TBL1XR1: variants seen among roughly 807,000 people sequenced by gnomAD.
TBL1XR1 encodes the protein TBL1X/Y related 1.
In TBL1XR1, 5 loss-of-function variants were observed where a neutral mutation model predicts 66.9. That is an observed-to-expected ratio of 0.07 (90% CI 0.04 to 0.16). The LOEUF (loss-of-function observed/expected upper bound fraction) is 0.16, where lower values mean the gene tolerates loss of function less well. Ranked by LOEUF, TBL1XR1 falls within the 10% of genes least tolerant of loss-of-function variation. The pLI is 1.00. For missense variants in TBL1XR1, 238 were observed against 623.2 expected, an observed-to-expected ratio of 0.38 and a Z score of 6.58; for synonymous variants, 210 against 206.0, an observed-to-expected ratio of 1.02 and a Z score of -0.17.
At chr3:177,061,160 T>A (rs1255403679) in intron 3 of TBL1XR1, among the ~76,000 whole-genome samples, 1 of 152,202 alleles carries the variant, frequency 6.6e-6, no homozygotes, top group Non-Finnish European at 1.5e-5. Context: ...AGGGATGGCT[T>A]ATTTAAAACA....
intron 1 of TBL1XR1, chr3:177,126,079 G>A (rs368162253): frequency 6.6e-6 from 1 of 152,136 alleles, no homozygotes; most frequent in Admixed American, 6.5e-5. Context: ...GCTAATCTTT[G>A]TATCATTCCA....
intron 2 of TBL1XR1, chr3:177,079,452 G>A (rs1250986949): frequency 6.7e-6 from 1 of 149,000 alleles, no homozygotes; most frequent in Non-Finnish European, 1.5e-5. Context: ...AAAAAAATTT[G>A]TATCTAGTAT....
At chr3:177,126,908 AT>A (rs1412411064) in intron 1 of TBL1XR1, among the ~76,000 whole-genome samples, 13 of 152,068 alleles carry the variant, frequency 8.5e-5, no homozygotes, top group African/African-American at 3.1e-4. Flanking sequence ...CGGTTGTAAT[AT>A]TTAACCATCT....
chr3:177,023,572 C>T lies in TBL1XR1; in HGVS notation c.*1926G>A, dbSNP rs978905978. 4 of 152,376 alleles carry T rather than the reference C, an allele frequency of 2.6e-5. No individual in the cohort carries two copies. Among genetic ancestry groups the T allele is most frequent in the African/African-American group, 9.7e-5 (4 of 41,400 alleles). 9.4% of individuals were successfully genotyped at this position (152,376 alleles called of 1,614,324 possible). ...AAAATATTATTACAGTATCATAGTC[C>T]CCACTAACAACAACTGGGGTACATA... On this transcript the variant is annotated 3_prime_UTR_variant, in exon 16 of 16. Coordinates refer to ENST00000457928, the MANE Select transcript of TBL1XR1 (RefSeq NM_024665.7).
intron 1 of TBL1XR1, among the ~76,000 whole-genome samples, chr3:177,159,850 A>G (rs1044596392): frequency 1.3e-5 from 2 of 152,196 alleles, no homozygotes; most frequent in African/African-American, 4.8e-5. Flanking sequence ...TTGCATCTTC[A>G]TAAGGATGCT....
At chr3:177,172,633 A>AGGAGAGAGAG (rs150226417) in intron 1 of TBL1XR1, among the ~76,000 whole-genome samples, 1 of 117,550 alleles carries the variant, frequency 8.5e-6, no homozygotes, top group South Asian at 3.1e-4. Context: ...AGAAAGAGAG[A>AGGAGAGAGAG]AGAGAGAGAG....
chr3:177,119,239 C>T (rs550356321), intron 1 of TBL1XR1, among the ~76,000 whole-genome samples: 5 of 152,260 alleles, frequency 3.3e-5, no homozygotes, highest in South Asian at 2.1e-4. Context: ...TCCCAAAGTG[C>T]TGGGATTACA....
intron 2 of TBL1XR1, among the ~76,000 whole-genome samples, chr3:177,084,921 T>C (rs942918654): frequency 2.0e-5 from 3 of 152,216 alleles, no homozygotes; most frequent in African/African-American, 7.2e-5. Context: ...ATTTGTTCCA[T>C]AGCAGCCACT....
chr3:177,100,299 TATA>T (rs1195804356), intron 1 of TBL1XR1, among the ~76,000 whole-genome samples: 10 of 152,250 alleles, frequency 6.6e-5, no homozygotes, highest in Admixed American at 2.0e-4. Context: ...TTTACAGTGC[TATA>T]ATATTTTTGT....
intron 2 of TBL1XR1, among the ~76,000 whole-genome samples, chr3:177,071,389 C>T (rs535935027): frequency 1.3e-5 from 2 of 152,080 alleles, no homozygotes; most frequent in East Asian, 3.9e-4. Flanking sequence ...GTTTATGAAA[C>T]ACTGTATTAG....
At chr3:177,056,092 A>G (rs1443632967) in intron 3 of TBL1XR1, among the ~76,000 whole-genome samples, 1 of 152,172 alleles carries the variant, frequency 6.6e-6, no homozygotes, top group Non-Finnish European at 1.5e-5. Flanking sequence ...TTTTGTTTTC[A>G]TCTCAGGGTC....
At chr3:177,075,298 CTT>C (rs1293932432) in intron 2 of TBL1XR1, among the ~76,000 whole-genome samples, 3 of 152,226 alleles carry the variant, frequency 2.0e-5, no homozygotes, top group Non-Finnish European at 4.4e-5. Flanking sequence ...GCATTCTCCT[CTT>C]TGTGTGTTGT....
At chr3:177,101,896 A>G (rs911166186) in intron 1 of TBL1XR1, among the ~76,000 whole-genome samples, 1 of 152,180 alleles carries the variant, frequency 6.6e-6, no homozygotes, top group East Asian at 1.9e-4. Context: ...TATGTTCTAC[A>G]TGACTCTCTT....
intron 2 of TBL1XR1, among the ~76,000 whole-genome samples, chr3:177,077,805 G>A (rs1250128561): frequency 1.3e-5 from 2 of 152,084 alleles, no homozygotes; most frequent in Non-Finnish European, 2.9e-5. Flanking sequence ...AAGATGTCTG[G>A]CTACTTTCCT....
chr3:177,035,157 C>A (rs1217899386), intron 12 of TBL1XR1, among the ~76,000 whole-genome samples: 1 of 152,138 alleles, frequency 6.6e-6, no homozygotes, highest in East Asian at 1.9e-4. Context: ...ATCTGAACGA[C>A]ATGTTTTCAG....
chr3:177,062,928 A>G (rs1410775169), intron 3 of TBL1XR1, among the ~76,000 whole-genome samples: 1 of 152,074 alleles, frequency 6.6e-6, no homozygotes, highest in African/African-American at 2.4e-5. Context: ...TAAGGTCGGG[A>G]GTTTGGGATC....
At chr3:177,177,629 T>C (rs1334267428) in intron 1 of TBL1XR1, among the ~76,000 whole-genome samples, 1 of 152,116 alleles carries the variant, frequency 6.6e-6, no homozygotes, top group Non-Finnish European at 1.5e-5. Context: ...ATTTCAACAT[T>C]TAGTAAAACC....
At chr3:177,115,754 G>A (rs1247515752) in intron 1 of TBL1XR1, among the ~76,000 whole-genome samples, 1 of 152,108 alleles carries the variant, frequency 6.6e-6, no homozygotes, top group Non-Finnish European at 1.5e-5. Context: ...AGTAGTAATG[G>A]GTTTCTTTGT....
At chr3:177,055,373 A>C (rs1038827932) in intron 3 of TBL1XR1, among the ~76,000 whole-genome samples, 3 of 152,016 alleles carry the variant, frequency 2.0e-5, no homozygotes, top group Non-Finnish European at 2.9e-5. Context: ...GGAACACCTA[A>C]CTCATTATGC....
Sources: allele counts gnomAD v4.1 joint callset (sites outside exome capture counted in the v4.1 genomes callset), GRCh38; gene constraint gnomAD v4.1.1; transcripts MANE v1.5; gene names NCBI Gene and HGNC (gene_info 2026-07-23, HGNC 2026-07-21).